The following ZNF385C variants were observed in gnomAD, a reference collection of about 807,000 sequenced individuals.
The protein encoded by ZNF385C is zinc finger protein 385C.
A neutral mutation model predicts 35.4 loss-of-function variants in ZNF385C; 28 were observed. The ratio of observed to expected loss-of-function variants is 0.79; its 90% CI spans 0.59 to 1.08. The LOEUF is 1.08. Ranked by LOEUF, ZNF385C falls within the 50% of genes least tolerant of loss-of-function variation. ZNF385C has a pLI of 0.00. For missense variants in ZNF385C, 605 were observed against 595.6 expected (o/e 1.02, Z -0.16); for synonymous variants, 248 against 248.2 (o/e 1.00, Z 0.01).
intron 2 of ZNF385C, among the ~76,000 whole-genome samples, chr17:42,046,477 G>A (rs1350551530): frequency 2.6e-5 from 4 of 152,090 alleles, no homozygotes; most frequent in Admixed American, 1.3e-4. Context: ...GTGTATGCCT[G>A]TAGTCCCAGC....
At chr17:42,081,492 T>C (rs568486399) in intron 1 of ZNF385C, among the ~76,000 whole-genome samples, 1 of 152,298 alleles carries the variant, frequency 6.6e-6, no homozygotes, top group South Asian at 2.1e-4. Context: ...GTTCAAGTCA[T>C]TCTCCTGCCT....
Position 42,028,970 on chromosome 17 carries a change from T to A in ZNF385C, c.780A>T (p.Ser260=). ...AHSELLDAAS[S]SSSSSCPPCS... ...AAGGTGGGCAGGAGGAAGAAGAGGA[T>A]GAGGAGGCAGCATCCAAGAGCTCTG... The change falls in exon 6 of 9, where the codon TCA becomes TCT. Residue 260 remains serine (S), a synonymous_variant. Coordinates refer to ENST00000692273, the MANE Select transcript of ZNF385C (RefSeq NM_001392013.1). 3 of 1,550,560 alleles carry A rather than the reference T, an allele frequency of 1.9e-6. No homozygotes were observed. Among genetic ancestry groups the A allele is most frequent in the Non-Finnish European group, 2.6e-6 (3 of 1,146,996 alleles).
At chr17:42,094,505 A>G (rs2053897568) in intron 1 of ZNF385C, among the ~76,000 whole-genome samples, 1 of 152,182 alleles carries the variant, frequency 6.6e-6, no homozygotes, top group African/African-American at 2.4e-5. Flanking sequence ...AGGCAGAGAA[A>G]AAGGAAGAAG....
intron 3 of ZNF385C, 74 bp downstream of exon 3, chr17:42,037,663 G>T: frequency 4.9e-6 from 7 of 1,440,164 alleles, no homozygotes; most frequent in East Asian, 2.6e-5. Flanking sequence ...CTGAGAGCTG[G>T]ACCCTCTGAA....
intron 2 of ZNF385C, among the ~76,000 whole-genome samples, chr17:42,055,436 G>A (rs2053358205): frequency 6.6e-6 from 1 of 152,064 alleles, no homozygotes; most frequent in Admixed American, 6.5e-5. Flanking sequence ...GTCACACCTG[G>A]GGGAGGGGGA....
Position 42,028,256 on chromosome 17 carries a change from G to A in ZNF385C, c.968-10C>T. On this transcript the variant is annotated splice_polypyrimidine_tract_variant and intron_variant, in intron 6 of 8. Transcript: ENST00000692273. Reference sequence around the variant, plus strand: ...CACCGGTGCTTGGCTCCTGGAGAGGGAAGAAGGCAGTCTCTCAGCAGCAGG... The same window carrying A: ...CACCGGTGCTTGGCTCCTGGAGAGGAAAGAAGGCAGTCTCTCAGCAGCAGG... 1.3e-6 allele frequency: 2 copies of A among 1,519,240 alleles called. No homozygotes were observed. The highest frequency in any genetic ancestry group is 1.8e-6 in the Non-Finnish European group (2 of 1,136,480). The allele number at this position is 1,519,240 out of a possible 1,614,324, so 94.1% of individuals were successfully genotyped here.
At chr17:42,040,611 G>C in intron 2 of ZNF385C, 1 of 1,232,356 alleles carries the variant, frequency 8.1e-7, no homozygotes, top group African/African-American at 1.5e-5. Context: ...CAGCCTCCAG[G>C]GTGGGCACCA....
chr17:42,073,567 G>A (rs1555659036), intron 1 of ZNF385C, among the ~76,000 whole-genome samples: 1 of 152,172 alleles, frequency 6.6e-6, no homozygotes, highest in African/African-American at 2.4e-5. Flanking sequence ...GTCTGCTGGG[G>A]AGACTTCACC....
intron 1 of ZNF385C, among the ~76,000 whole-genome samples, chr17:42,066,741 C>G (rs917828412): frequency 2.0e-5 from 3 of 152,102 alleles, no homozygotes; most frequent in Non-Finnish European, 4.4e-5. Context: ...AGGGTGGGCC[C>G]GTAATCCAAT....
rs60694132 is a variant in ZNF385C at position 42,047,029 on chromosome 17, A to ATT, written c.251-9146_251-9145dup. Among the ~76,000 whole-genome samples the ATT allele has an allele frequency of 3.0e-3, 348 of 116,574 alleles. 2 individuals are homozygous for ATT. The highest frequency in any genetic ancestry group is 0.011 in the African/African-American group (332 of 30,554). 76.5% of individuals were successfully genotyped at this position (116,574 alleles called of 152,430 possible). ...AGGCACATGCCGCCATGCCCGGCTA[A>ATT]TTTTTTTTTTTTTTTTTTTTGAGAC... On this transcript the variant is annotated intron_variant, in intron 2 of 8. Coordinates refer to ENST00000692273, the MANE Select transcript of ZNF385C (RefSeq NM_001392013.1).
intron 2 of ZNF385C, among the ~76,000 whole-genome samples, chr17:42,048,721 C>T (rs558456569): frequency 6.6e-6 from 1 of 152,112 alleles, no homozygotes; most frequent in African/African-American, 2.4e-5. Context: ...CTCCAAAATC[C>T]ACTTCTAACT....
At chr17:42,054,455 A>G (rs1423578331) in intron 2 of ZNF385C, among the ~76,000 whole-genome samples, 3 of 152,172 alleles carry the variant, frequency 2.0e-5, no homozygotes, top group Non-Finnish European at 4.4e-5. Flanking sequence ...AGCACTGGCC[A>G]TGCAGGGTTT....
intron 1 of ZNF385C, among the ~76,000 whole-genome samples, chr17:42,075,556 G>A (rs930531197): frequency 6.2e-5 from 9 of 146,010 alleles, no homozygotes; most frequent in South Asian, 2.2e-4. Context: ...GTGCAGTGGC[G>A]CGATCTCGGC....
chr17:42,076,373 G>A (rs991990407), intron 1 of ZNF385C, among the ~76,000 whole-genome samples: 3 of 152,114 alleles, frequency 2.0e-5, no homozygotes, highest in Admixed American at 1.3e-4. Flanking sequence ...TGTAATCCCA[G>A]CACTTTGGGA....
rs547288052 is a variant in ZNF385C at position 42,095,620 on chromosome 17, T to C, written c.-3+2790A>G. 5.6e-4 allele frequency among the ~76,000 whole-genome samples: 84 copies of C among 149,412 alleles called. No individual in the cohort carries two copies. The highest frequency in any genetic ancestry group is 1.1e-3 in the Non-Finnish European group (72 of 67,142). ...TTCCCTCTCAAGCATCACAGGACAT[T>C]AAAAAAAAAATTGTCCCAGTTTTGT... On this transcript the variant is annotated intron_variant, in intron 1 of 8. Coordinates refer to ENST00000692273, the MANE Select transcript of ZNF385C (RefSeq NM_001392013.1). The surrounding 1 kb of genome is among the most constrained non-coding windows in gnomAD (Gnocchi z 4.4).
chr17:42,039,111 C>T (rs1372964489), intron 2 of ZNF385C: 1 of 152,146 alleles, frequency 6.6e-6, no homozygotes, highest in Non-Finnish European at 1.5e-5. Context: ...GTTAGCCAGG[C>T]ATGGTGGCAG....
intron 2 of ZNF385C, among the ~76,000 whole-genome samples, chr17:42,055,728 G>C (rs1395121501): frequency 1.3e-5 from 2 of 152,134 alleles, no homozygotes; most frequent in Non-Finnish European, 2.9e-5. Context: ...TGCAGGGAGT[G>C]GGGGTGAGAA....
At chr17:42,028,464 TC>T in intron 6 of ZNF385C, 1 of 588,414 alleles carries the variant, frequency 1.7e-6, no homozygotes, top group Non-Finnish European at 2.9e-6. Flanking sequence ...ATAGCTGCCT[TC>T]CCCTTTGCTT....
intron 5 of ZNF385C, among the ~76,000 whole-genome samples, chr17:42,030,448 G>A (rs947450294): frequency 3.3e-5 from 5 of 151,658 alleles, no homozygotes; most frequent in Non-Finnish European, 7.4e-5. Context: ...AGATTGCACC[G>A]CTGTGCTCCA....
Sources: gnomAD v4.1 joint callset for allele counts (sites outside exome capture counted in the v4.1 genomes callset) on GRCh38, gnomAD v4.1.1 for gene constraint, Gnocchi (gnomAD v3.1) non-coding constraint, MANE v1.5 for transcripts, NCBI Gene and HGNC (gene_info 2026-07-23, HGNC 2026-07-21) for gene names.